PRKN: variants seen among roughly 807,000 people sequenced by gnomAD.
The protein encoded by PRKN is parkin RBR E3 ubiquitin protein ligase, also known as E3 ubiquitin-protein ligase parkin.
Under a neutral mutation model 59.5 loss-of-function variants are expected in PRKN, and 56 were observed. The observed-to-expected ratio is 0.94, with a 90% CI of 0.76 to 1.18. The LOEUF is 1.18. PRKN is among the 50% of genes most tolerant of loss of function. PRKN has a pLI of 0.00. For missense variants in PRKN, 657 were observed against 596.4 expected, an observed-to-expected ratio of 1.10 and a Z score of -1.06; for synonymous variants, 250 against 222.1, an observed-to-expected ratio of 1.13 and a Z score of -1.12.
intron 1 of PRKN, among the ~76,000 whole-genome samples, chr6:162,532,064 T>C (rs1778537534): frequency 6.6e-6 from 1 of 152,150 alleles, no homozygotes; most frequent in African/African-American, 2.4e-5. Flanking sequence ...GTCAACCACA[T>C]CTTCACTTTG....
At chr6:161,543,595 T>C (rs1045476654) in intron 9 of PRKN, among the ~76,000 whole-genome samples, 5 of 152,200 alleles carry the variant, frequency 3.3e-5, no homozygotes, top group African/African-American at 1.2e-4. Flanking sequence ...CCTTAACTTA[T>C]GGTCACTAAT....
chr6:162,701,682 T>C (rs2128236858), intron 1 of PRKN, among the ~76,000 whole-genome samples: 1 of 151,998 alleles, frequency 6.6e-6, no homozygotes, highest in South Asian at 2.1e-4. Flanking sequence ...TGGAGCTTTC[T>C]TCACTCTCTT....
intron 10 of PRKN, among the ~76,000 whole-genome samples, chr6:161,382,069 G>A (rs114656397): frequency 0.019 from 2,558 of 135,088 alleles, 82 homozygotes; most frequent in African/African-American, 0.069. Context: ...CCAAGATAGC[G>A]CCATTGTAGT....
At chr6:162,710,916 C>T (rs1778514291) in intron 1 of PRKN, among the ~76,000 whole-genome samples, 1 of 152,178 alleles carries the variant, frequency 6.6e-6, no homozygotes, top group Non-Finnish European at 1.5e-5. Context: ...TATTCAAGGG[C>T]ACAGTGCATC....
intron 4 of PRKN, among the ~76,000 whole-genome samples, chr6:162,120,361 GCCATTTAA>G (rs1272507921): frequency 6.6e-6 from 1 of 152,112 alleles, no homozygotes; most frequent in Non-Finnish European, 1.5e-5. Context: ...TAGACTTCTA[GCCATTTAA>G]CCCCATAGTC....
chr6:162,507,495 C>A (rs931130146), intron 1 of PRKN, among the ~76,000 whole-genome samples: 1 of 152,122 alleles, frequency 6.6e-6, no homozygotes, highest in African/African-American at 2.4e-5. Flanking sequence ...TTTGCCAGCA[C>A]CATATTGACA....
chr6:162,479,427 C>A (rs549100391), intron 1 of PRKN, among the ~76,000 whole-genome samples: 4 of 152,060 alleles, frequency 2.6e-5, no homozygotes, highest in Admixed American at 2.6e-4. Flanking sequence ...TGGGGTTTCA[C>A]CATGTTGGCC....
intron 7 of PRKN, among the ~76,000 whole-genome samples, chr6:161,644,512 C>CA (rs1783854274): frequency 6.6e-6 from 1 of 152,328 alleles, no homozygotes; most frequent in East Asian, 1.9e-4. Flanking sequence ...TGTCTTCCGG[C>CA]AGCTACATCT....
rs1373804165 is a variant in PRKN at position 162,151,044 on chromosome 6, A to G, written c.534+50087T>C. On this transcript the variant is annotated intron_variant, in intron 4 of 11. Transcript: ENST00000366898. ...CTAGTGAAGATCTATATGAGGCAAT[A>G]AAGACAGCAGGGACGATCCTAAATT... is the stretch of plus-strand genomic sequence containing the variant. 3.3e-5 allele frequency among the ~76,000 whole-genome samples: 5 copies of G among 152,236 alleles called. No individual in the cohort carries two copies. The East Asian group carries it at 9.6e-4, about 29-fold the overall frequency.
chr6:161,519,021 A>G (rs1238816465), intron 9 of PRKN, among the ~76,000 whole-genome samples: 3 of 152,220 alleles, frequency 2.0e-5, no homozygotes. Context: ...GACAGAGAGC[A>G]TAGACATTTA....
At position 161,393,801 on chromosome 6, in the gene PRKN, T is replaced by C. The variant is rs145236980; in HGVS notation, c.1084-6924A>G. On this transcript the variant is annotated intron_variant, in intron 9 of 11. Transcript: ENST00000366898. This position sits in a 1 kb window ranked among gnomAD's most constrained non-coding sequence, Gnocchi z 4.7. ...TGTTTTCTATCATGGCTGCATCTAT[T>C]ATAAAAGCATTCTATTATGTGCATT... Among the ~76,000 whole-genome samples, 606 of 152,252 alleles carry C rather than the reference T, an allele frequency of 4.0e-3. 3 individuals are homozygous for C. Among genetic ancestry groups the C allele is most frequent in the Non-Finnish European group, 7.2e-3 (490 of 68,014 alleles).
chr6:161,805,721 T>C (rs920784296), intron 6 of PRKN, among the ~76,000 whole-genome samples: 4 of 152,318 alleles, frequency 2.6e-5, no homozygotes, highest in African/African-American at 7.2e-5. Flanking sequence ...AGGAGAATTA[T>C]CATTTGATGT....
chr6:161,976,104 C>T (rs765620219), intron 5 of PRKN, among the ~76,000 whole-genome samples: 5 of 152,006 alleles, frequency 3.3e-5, no homozygotes, highest in Non-Finnish European at 5.9e-5. Context: ...GGGGTTTCAC[C>T]GTGTTGGCCA....
At chr6:162,614,319 T>C (rs1782312255) in intron 1 of PRKN, among the ~76,000 whole-genome samples, 1 of 152,176 alleles carries the variant, frequency 6.6e-6, no homozygotes, top group South Asian at 2.1e-4. Context: ...GGGGAAGTTT[T>C]GTGCCATAAA....
At chr6:162,206,501 T>C (rs564024323) in intron 3 of PRKN, among the ~76,000 whole-genome samples, 1 of 152,246 alleles carries the variant, frequency 6.6e-6, no homozygotes, top group East Asian at 1.9e-4. Flanking sequence ...CCCTCTTTCC[T>C]CCTTCTGACT....
At chr6:161,684,074 AT>A (rs1358024313) in intron 7 of PRKN, among the ~76,000 whole-genome samples, 23 of 152,180 alleles carry the variant, frequency 1.5e-4, no homozygotes, top group Non-Finnish European at 3.2e-4. Context: ...AAAAAGATAT[AT>A]TCAAAATAAT....
chr6:161,408,482 CTT>C (rs11313718), intron 9 of PRKN, among the ~76,000 whole-genome samples: 1,607 of 133,004 alleles, frequency 0.012, 34 homozygotes, highest in African/African-American at 0.04. Context: ...CTAGGTTTTC[CTT>C]TTTTTTTTTT....
chr6:161,586,841 A>C (rs188670526), intron 7 of PRKN, among the ~76,000 whole-genome samples: 1 of 152,322 alleles, frequency 6.6e-6, no homozygotes, highest in African/African-American at 2.4e-5. Context: ...GCAAAGTGCC[A>C]AGGGACTGAT....
chr6:161,622,387 C>T (rs1782938353), intron 7 of PRKN, among the ~76,000 whole-genome samples: 1 of 152,178 alleles, frequency 6.6e-6, no homozygotes, highest in African/African-American at 2.4e-5. Context: ...CTGCCCCTTT[C>T]CAGCGACCTC....
Sources: allele counts gnomAD v4.1 joint callset (sites outside exome capture counted in the v4.1 genomes callset), GRCh38; gene constraint gnomAD v4.1.1; non-coding constraint Gnocchi (gnomAD v3.1); transcripts MANE v1.5; gene names NCBI Gene and HGNC (gene_info 2026-07-23, HGNC 2026-07-21).